FRAS1: variants seen among roughly 807,000 people sequenced by gnomAD.
FRAS1 encodes Fraser extracellular matrix complex subunit 1, also known as extracellular matrix organizing protein FRAS1.
In FRAS1, 290 loss-of-function variants were observed where a neutral mutation model predicts 435.2. The ratio of observed to expected loss-of-function variants is 0.67; its 90% confidence interval spans 0.61 to 0.73. The LOEUF (loss-of-function observed/expected upper bound fraction) is 0.73. FRAS1 is among the 30% of genes least tolerant of loss of function. The pLI is 0.00. For synonymous variants in FRAS1, 1,800 were observed against 1,851.0 expected (o/e 0.97, Z 0.71); for missense variants, 4,860 against 5,001.5 (o/e 0.97, Z 0.85).
intron 58 of FRAS1, among the ~76,000 whole-genome samples, chr4:78,485,476 G>A (rs1720142398): frequency 6.6e-6 from 1 of 152,102 alleles, no homozygotes; most frequent in Non-Finnish European, 1.5e-5. Context: ...TTTTCTTTCA[G>A]AGAAGCTACA....
Position 78,461,297 on chromosome 4 carries a change from G to A in FRAS1, c.6764-2724G>A, listed in dbSNP as rs868840041. ...CATATTGAAAAAACTTTAAAGAAGA[G>A]TGAAATCCAAGAGGTTTCTTGTCTA... On this transcript the variant is annotated intron_variant, in intron 47 of 73. Transcript: ENST00000512123. 2.6e-5 allele frequency among the ~76,000 whole-genome samples: 4 copies of A among 152,270 alleles called. 1 individual carries two copies. Among genetic ancestry groups the A allele is most frequent in the African/African-American group, 9.6e-5 (4 of 41,550 alleles).
At chr4:78,307,145 C>A (rs764068511) in intron 14 of FRAS1, among the ~76,000 whole-genome samples, 1 of 152,190 alleles carries the variant, frequency 6.6e-6, no homozygotes, top group Non-Finnish European at 1.5e-5. Context: ...CAGTCTGCCC[C>A]TGCTGGGGGG....
rs1371741149 is a variant in FRAS1 at position 78,308,095 on chromosome 4, G to A, written c.1564G>A (p.Gly522Ser). ...VCHESCAGCW[G>S]PTEKHCLACR... ...CCATGAGTCCTGTGCAGGTTGCTGG[G>A]GCCCAACGGAGAAGCACTGCTTGGC... Residue 522 changes from glycine to serine, a missense_variant, in exon 15 of 74, where the codon GGC (glycine) becomes AGC (serine). By Grantham distance (56) the Gly-to-Ser change is moderately conservative. Coordinates refer to ENST00000512123, the MANE Select transcript of FRAS1 (RefSeq NM_025074.7). 1 of 1,613,394 alleles carries A rather than the reference G, an allele frequency of 6.2e-7. No homozygotes were observed. The highest frequency in any genetic ancestry group is 8.5e-7 in the Non-Finnish European group (1 of 1,179,620).
chr4:78,300,709 G>T (rs1238648337), intron 14 of FRAS1, among the ~76,000 whole-genome samples: 1 of 151,942 alleles, frequency 6.6e-6, no homozygotes, highest in Non-Finnish European at 1.5e-5. Context: ...TCTTTCCTTG[G>T]TCTCCAAGGT....
intron 2 of FRAS1, among the ~76,000 whole-genome samples, chr4:78,156,575 G>A (rs1457851478): frequency 2.6e-5 from 4 of 152,022 alleles, no homozygotes; most frequent in East Asian, 3.9e-4. Flanking sequence ...GTGAGTACTC[G>A]AATTTGTCTT....
chr4:78,320,764 C>T (rs1729472243), intron 18 of FRAS1, among the ~76,000 whole-genome samples: 1 of 151,788 alleles, frequency 6.6e-6, no homozygotes. Flanking sequence ...AACTGTGCAC[C>T]CTGAGGTTTT....
chr4:78,292,908 T>C (rs1291415871), intron 14 of FRAS1, among the ~76,000 whole-genome samples: 1 of 152,244 alleles, frequency 6.6e-6, no homozygotes, highest in African/African-American at 2.4e-5. Context: ...CAGAACTTCT[T>C]TGGCATTCTA....
intron 69 of FRAS1, among the ~76,000 whole-genome samples, chr4:78,526,075 T>C (rs1241442048): frequency 6.6e-6 from 1 of 152,212 alleles, no homozygotes; most frequent in African/African-American, 2.4e-5. Context: ...AGGCATTTGC[T>C]ACCTCCTGTG....
chr4:78,275,873 T>C (rs1054392587), intron 9 of FRAS1, among the ~76,000 whole-genome samples: 2 of 152,228 alleles, frequency 1.3e-5, no homozygotes, highest in African/African-American at 2.4e-5. Context: ...CTTTGCTAGA[T>C]TGGGGAAGTT....
chr4:78,305,307 G>C (rs1728653806), intron 14 of FRAS1, among the ~76,000 whole-genome samples: 1 of 151,938 alleles, frequency 6.6e-6, no homozygotes, highest in African/African-American at 2.4e-5. Flanking sequence ...TGGAATAGGT[G>C]TGGTGTGGTG....
chr4:78,121,302 T>C (rs1362860937), intron 2 of FRAS1, among the ~76,000 whole-genome samples: 2 of 152,234 alleles, frequency 1.3e-5, no homozygotes, highest in African/African-American at 4.8e-5. Flanking sequence ...TTTGGTCTGG[T>C]GCCTGACTGA....
At chr4:78,391,342 T>C (rs1393008318) in intron 29 of FRAS1, among the ~76,000 whole-genome samples, 2 of 152,174 alleles carry the variant, frequency 1.3e-5, no homozygotes, top group Admixed American at 1.3e-4. Context: ...ACATGTTCTG[T>C]TGGGGGAAGG....
intron 20 of FRAS1, among the ~76,000 whole-genome samples, chr4:78,347,514 C>T (rs1730650462): frequency 6.6e-6 from 1 of 152,196 alleles, no homozygotes; most frequent in African/African-American, 2.4e-5. Flanking sequence ...TCCCTGATTT[C>T]CTTGGTTTCT....
intron 2 of FRAS1, chr4:78,182,080 T>G: frequency 6.7e-7 from 1 of 1,490,186 alleles, no homozygotes; most frequent in African/African-American, 1.4e-5. Flanking sequence ...CTCTACGGAT[T>G]GCAGCGGGCC....
chr4:78,145,225 T>C (rs1720367248), intron 2 of FRAS1, among the ~76,000 whole-genome samples: 1 of 152,126 alleles, frequency 6.6e-6, no homozygotes, highest in Non-Finnish European at 1.5e-5. Flanking sequence ...TAATCAGGGC[T>C]TTCGAAGTGA....
intron 47 of FRAS1, among the ~76,000 whole-genome samples, chr4:78,456,740 A>G (rs1226060312): frequency 6.6e-6 from 1 of 152,212 alleles, no homozygotes; most frequent in Non-Finnish European, 1.5e-5. Context: ...GATGCTATTA[A>G]CAAATGTCCA....
At chr4:78,194,305 G>T (rs1481762274) in intron 2 of FRAS1, among the ~76,000 whole-genome samples, 1 of 152,146 alleles carries the variant, frequency 6.6e-6, no homozygotes, top group Non-Finnish European at 1.5e-5. Flanking sequence ...TTTCCTGAAT[G>T]TGAATGTTGG....
chr4:78,186,782 C>A (rs78552881), intron 2 of FRAS1, among the ~76,000 whole-genome samples: 2,987 of 152,282 alleles, frequency 0.02, 78 homozygotes, highest in African/African-American at 0.061. Flanking sequence ...GGGGTAAAAA[C>A]CCTTAATGGG....
chr4:78,475,667 A>G, intron 54 of FRAS1, 61 bp downstream of exon 54: 3 of 1,441,754 alleles, frequency 2.1e-6, no homozygotes, highest in Non-Finnish European at 2.8e-6. Flanking sequence ...GCTGCAAGCA[A>G]TTGTGGCACT....
Sources: allele counts gnomAD v4.1 joint callset (sites outside exome capture counted in the v4.1 genomes callset), GRCh38; gene constraint gnomAD v4.1.1; transcripts MANE v1.5; gene names NCBI Gene and HGNC (gene_info 2026-07-23, HGNC 2026-07-21).